Variants in LAMP3 observed in about 807,000 individuals in gnomAD.
The protein encoded by LAMP3 is lysosome-associated membrane glycoprotein 3.
Under a neutral mutation model 34.8 loss-of-function variants are expected in LAMP3, and 26 were observed. The observed-to-expected ratio is 0.75, with a 90% CI of 0.55 to 1.04. LAMP3 has a LOEUF of 1.04. Among genes scored for constraint, LAMP3 ranks in the 50% least tolerant of loss-of-function variants. LAMP3 has a pLI of 0.00. For missense variants in LAMP3, 495 were observed against 524.0 expected (o/e 0.94, Z 0.54); for synonymous variants, 180 against 201.9 (o/e 0.89, Z 0.92).
At position 183,162,650 on chromosome 3, in the gene LAMP3, G is replaced by T. The variant is rs924475748; in HGVS notation, c.6C>A (p.Pro2=). 2 of 1,539,784 alleles carry T rather than the reference G, an allele frequency of 1.3e-6. No homozygotes were observed. The highest frequency in any genetic ancestry group is 1.7e-6 in the Non-Finnish European group (2 of 1,144,494). Reference sequence around the variant, plus strand: ...GCGCGGCCGCCGCGCTGAGCTGCCGGGGCATGGTGGGCGCTGGGCGAGGTT... The same window carrying T: ...GCGCGGCCGCCGCGCTGAGCTGCCGTGGCATGGTGGGCGCTGGGCGAGGTT... M[P]RQLSAAAALF... Residue 2 remains proline, a synonymous_variant, in exon 1 of 6, where the codon CCC becomes CCA. Coordinates refer to ENST00000265598, the MANE Select transcript of LAMP3 (RefSeq NM_014398.4).
At chr3:183,135,603 C>A in intron 5 of LAMP3, 114 bp downstream of exon 5, 1 of 1,016,344 alleles carries the variant, frequency 9.8e-7, no homozygotes, top group South Asian at 1.5e-5. Flanking sequence ...ATCACACCAT[C>A]CCAGGAAGCT....
At chr3:183,150,351 G>A (rs1720592037) in intron 3 of LAMP3, among the ~76,000 whole-genome samples, 1 of 152,196 alleles carries the variant, frequency 6.6e-6, no homozygotes, top group Admixed American at 6.5e-5. Flanking sequence ...ATAAAGAGAG[G>A]TTGAAAGTGT....
chr3:183,152,395 C>T lies in LAMP3; in HGVS notation c.868G>A (p.Val290Met), dbSNP rs749135591. 1.9e-6 allele frequency: 3 copies of T among 1,611,268 alleles called. No homozygotes were observed. Among genetic ancestry groups the T allele is most frequent in the East Asian group, 2.2e-5 (1 of 44,684 alleles). Residue 290 changes from valine (V) to methionine (M), a missense_variant, in exon 3 of 6, where the codon GTG (valine) becomes ATG (methionine). Coordinates refer to ENST00000265598, the MANE Select transcript of LAMP3 (RefSeq NM_014398.4). Reference sequence around the variant, plus strand: ...CTCACCTTGGTAAATGTGAGATTCACAAATCCGCCCTGAAAATTCAACAGA... The same window carrying T: ...CTCACCTTGGTAAATGTGAGATTCATAAATCCGCCCTGAAAATTCAACAGA... ...NLLLNFQGGF[V>M]NLTFTKDEES...
chr3:183,154,291 T>A lies in LAMP3; in HGVS notation c.150A>T (p.Lys50Asn), dbSNP rs761080212. ...CTTGCTTAGCTGGTTGCTGGACAGG[T>A]TTTTTTATGTCCTGTACTGTTGCTG... ...TAAATVQDIK[K>N]PVQQPAKQAP... Residue 50 changes from lysine to asparagine, a missense_variant, in exon 2 of 6, where the codon AAA becomes AAT. Coordinates refer to ENST00000265598, the MANE Select transcript of LAMP3 (RefSeq NM_014398.4). 5 of 1,613,830 alleles carry A rather than the reference T, an allele frequency of 3.1e-6. No individual in the cohort carries two copies. The highest frequency in any genetic ancestry group is 4.2e-6 in the Non-Finnish European group (5 of 1,179,864).
chr3:183,130,401 G>T (rs918507501), intron 5 of LAMP3, among the ~76,000 whole-genome samples: 1 of 151,478 alleles, frequency 6.6e-6, no homozygotes, highest in Non-Finnish European at 1.5e-5. Context: ...CTCATGATCC[G>T]CCCGCCTCGG....
At chr3:183,150,436 T>C (rs1257549401) in intron 3 of LAMP3, among the ~76,000 whole-genome samples, 4 of 152,174 alleles carry the variant, frequency 2.6e-5, no homozygotes, top group Admixed American at 2.0e-4. Flanking sequence ...TGCTGGAGTT[T>C]ATTGATGCCT....
intron 3 of LAMP3, among the ~76,000 whole-genome samples, chr3:183,144,461 G>C (rs1018890400): frequency 2.0e-5 from 3 of 151,982 alleles, no homozygotes; most frequent in African/African-American, 7.3e-5. Context: ...GGGGAAGGGG[G>C]AATTTCACAG....
chr3:183,151,630 G>A (rs1454829115), intron 3 of LAMP3, among the ~76,000 whole-genome samples: 2 of 151,882 alleles, frequency 1.3e-5, no homozygotes, highest in Non-Finnish European at 2.9e-5. Context: ...CTTTCACCAT[G>A]TTGGCCAGGC....
At chr3:183,157,905 C>G (rs1475380395) in intron 1 of LAMP3, among the ~76,000 whole-genome samples, 1 of 151,916 alleles carries the variant, frequency 6.6e-6, no homozygotes, top group Non-Finnish European at 1.5e-5. Context: ...GGTGTGCTTC[C>G]TATGTAGGAA....
At chr3:183,160,400 T>C (rs1177052823) in intron 1 of LAMP3, among the ~76,000 whole-genome samples, 1 of 152,172 alleles carries the variant, frequency 6.6e-6, no homozygotes, top group Non-Finnish European at 1.5e-5. Context: ...ACTTCGTTTT[T>C]GTTTTGTTTT....
intron 4 of LAMP3, among the ~76,000 whole-genome samples, chr3:183,137,294 G>A (rs1720127979): frequency 6.6e-6 from 1 of 152,104 alleles, no homozygotes; most frequent in Admixed American, 6.5e-5. Context: ...ACTCCAGCCT[G>A]GGCAACAGAG....
intron 5 of LAMP3, among the ~76,000 whole-genome samples, chr3:183,129,002 G>A (rs1056761450): frequency 5.9e-5 from 9 of 152,080 alleles, no homozygotes; most frequent in African/African-American, 1.9e-4. Flanking sequence ...TCTGCCTGGC[G>A]ACAGAGCAAG....
chr3:183,147,166 C>A (rs1576881803), intron 3 of LAMP3, among the ~76,000 whole-genome samples: 1 of 152,088 alleles, frequency 6.6e-6, no homozygotes, highest in East Asian at 1.9e-4. Flanking sequence ...TCGCTTGAAC[C>A]CAAGAGGCGG....
At chr3:183,132,684 G>C (rs966409536) in intron 5 of LAMP3, 43 of 985,312 alleles carry the variant, frequency 4.4e-5, no homozygotes, top group Non-Finnish European at 5.2e-5. Context: ...CCCTTTGGTG[G>C]AAAGTTAGGT....
chr3:183,162,960 T>A, upstream of LAMP3: 1 of 365,204 alleles, frequency 2.7e-6, no homozygotes, highest in Non-Finnish European at 4.9e-6. Flanking sequence ...TCCTCCTTTC[T>A]TTTTCTTTTC....
At chr3:183,137,969 G>A (rs573668901) in intron 4 of LAMP3, among the ~76,000 whole-genome samples, 10 of 151,978 alleles carry the variant, frequency 6.6e-5, no homozygotes, top group South Asian at 4.2e-4. Flanking sequence ...ATAGGTGCCC[G>A]CCACCATGCT....
chr3:183,158,314 G>A (rs1005878665), intron 1 of LAMP3, among the ~76,000 whole-genome samples: 1 of 152,088 alleles, frequency 6.6e-6, no homozygotes, highest in East Asian at 1.9e-4. Flanking sequence ...TTTTTAAATG[G>A]GATGTTTGGC....
chr3:183,132,391 G>GT (rs1229682255), intron 5 of LAMP3: 80 of 971,114 alleles, frequency 8.2e-5, no homozygotes, highest in East Asian at 2.3e-4. Flanking sequence ...AAATGCATTG[G>GT]TTTTTTTAAA....
chr3:183,126,370 AC>A (rs1576866807), intron 5 of LAMP3, among the ~76,000 whole-genome samples: 1 of 152,180 alleles, frequency 6.6e-6, no homozygotes, highest in African/African-American at 2.4e-5. Context: ...GTGGAGGGCA[AC>A]TTTTACTCTC....
Sources: gnomAD v4.1 joint callset for allele counts (sites outside exome capture counted in the v4.1 genomes callset) on GRCh38, gnomAD v4.1.1 for gene constraint, MANE v1.5 for transcripts, NCBI Gene and HGNC (gene_info 2026-07-23, HGNC 2026-07-21) for gene names.